The following REV1 variants were observed in gnomAD, a reference collection of about 807,000 sequenced individuals.
REV1 encodes the protein translesion synthesis protein REV1.
Under a neutral mutation model 137.4 loss-of-function variants are expected in REV1, and 42 were observed. The observed-to-expected ratio is 0.31, with a 90% CI of 0.24 to 0.40. REV1 has a LOEUF of 0.40. REV1 is among the 10% of genes least tolerant of loss of function. The probability of loss-of-function intolerance (pLI) is 1.00; values close to 1 mark genes in which losing one functional copy is unlikely to be tolerated. For synonymous variants in REV1, 524 were observed against 519.2 expected (o/e 1.01, Z -0.12); for missense variants, 1,282 against 1,490.1 (o/e 0.86, Z 2.30).
chr2:99,478,428 G>T (rs539212064), intron 1 of REV1, among the ~76,000 whole-genome samples: 1 of 152,166 alleles, frequency 6.6e-6, no homozygotes, highest in East Asian at 1.9e-4. Flanking sequence ...CCATAAGCAG[G>T]ATCAAGCTAC....
At chr2:99,451,671 G>C (rs912736528) in intron 3 of REV1, among the ~76,000 whole-genome samples, 1 of 152,028 alleles carries the variant, frequency 6.6e-6, no homozygotes, top group Non-Finnish European at 1.5e-5. Flanking sequence ...CTGGCATGTA[G>C]AGGTCACTCA....
chr2:99,430,732 G>C (rs1057033184), intron 8 of REV1, among the ~76,000 whole-genome samples: 1 of 152,098 alleles, frequency 6.6e-6, no homozygotes, highest in African/African-American at 2.4e-5. Context: ...GAGCCTACTG[G>C]CTGCATGCCA....
intron 3 of REV1, 129 bp from the exon 4 acceptor site, chr2:99,449,633 T>C: frequency 2.3e-6 from 1 of 436,180 alleles, no homozygotes; most frequent in Non-Finnish European, 3.8e-6. Context: ...GTGTTGCCAG[T>C]AAACAAAGCT....
chr2:99,416,551 C>G (rs1017122877), intron 12 of REV1, among the ~76,000 whole-genome samples: 1 of 152,160 alleles, frequency 6.6e-6, no homozygotes, highest in Non-Finnish European at 1.5e-5. Context: ...ACTCTGCTGC[C>G]CTATCTTTCA....
intron 3 of REV1, among the ~76,000 whole-genome samples, chr2:99,450,269 G>A (rs1682770457): frequency 6.6e-6 from 1 of 152,062 alleles, no homozygotes. Context: ...GACACAATGT[G>A]ACTTATGCTT....
rs1676223318 is a variant in REV1, at chr2:99,405,929, T to C, written c.2792A>G (p.Glu931Gly). The change falls in exon 17 of 23, where the codon GAG becomes GGG. Residue 931 changes from glutamate to glycine, a missense_variant. Around this residue, in one of 7 missense-constraint regions of REV1, gnomAD observed 135 missense variants for 123.3 expected, o/e 1.10. Transcript: ENST00000258428. ...ATGTACCTGGGAAGGTGACGGGACCTCTATACTCAGGTTAAGTCTCGACTG... is the reference window on the plus strand; with the variant it reads ...ATGTACCTGGGAAGGTGACGGGACCCCTATACTCAGGTTAAGTCTCGACTG... ...SVQSRLNLSI[E>G]VPSPSQLDQS... The C allele has an allele frequency of 6.3e-7, 1 of 1,590,120 alleles. No individual in the cohort carries two copies. Among genetic ancestry groups the C allele is most frequent in the South Asian group, 1.2e-5 (1 of 85,918 alleles).
chr2:99,444,473 G>A (rs1186413613), intron 4 of REV1, among the ~76,000 whole-genome samples: 4 of 152,196 alleles, frequency 2.6e-5, no homozygotes, highest in African/African-American at 9.7e-5. Context: ...ATATACAAGG[G>A]TGTCAGGCCT....
At chr2:99,482,790 C>T (rs989591631) in intron 1 of REV1, among the ~76,000 whole-genome samples, 4 of 151,874 alleles carry the variant, frequency 2.6e-5, no homozygotes, top group East Asian at 1.9e-4. Context: ...CCGAGGCAGG[C>T]GGGATCACCT....
Position 99,402,719 on chromosome 2 carries a change from C to T in REV1, c.3466G>A (p.Ala1156Thr). 6.2e-7 allele frequency: 1 copy of T among 1,614,158 alleles called. No homozygotes were observed. The highest frequency in any genetic ancestry group is 1.1e-5 in the South Asian group (1 of 91,070). ...SDPAGCVRPP[A>T]PNLAGAVEFN... ...TCAACAGCTCCAGCTAGATTGGGTG[C>T]TGGAGGTCTCACACAGCCAGCTGGG... Residue 1156 changes from alanine (A) to threonine (T), a missense_variant, in exon 21 of 23, where the codon GCA becomes ACA. Physicochemically the swap from Ala to Thr is moderately conservative, Grantham distance 58. This residue lies in a region of REV1 where 170 missense variants were observed against 156.8 expected (regional missense o/e 1.08). Transcript: ENST00000258428.
rs777987124 is a variant in REV1 at position 99,412,821 on chromosome 2, G to A, written c.2082C>T (p.Phe694=). 1 of 1,614,138 alleles carries A rather than the reference G, an allele frequency of 6.2e-7. No individual in the cohort carries two copies. The highest frequency in any genetic ancestry group is 1.1e-5 in the South Asian group (1 of 91,072). The change falls in exon 13 of 23, where the codon TTC becomes TTT. Residue 694 remains phenylalanine, a synonymous_variant. Transcript: ENST00000258428. ...CTGGTCTATCATCCAAGCCACGGCA[G>A]AACCTATAAAGCATCTGACCTGTTT... ...GPKTGQMLYR[F]CRGLDDRPVR...
chr2:99,419,078 A>T (rs1678283887), intron 11 of REV1, 131 bp from the exon 12 acceptor site: 2 of 796,168 alleles, frequency 2.5e-6, no homozygotes, highest in East Asian at 5.3e-5. Flanking sequence ...ATTTCAAATA[A>T]GGTGTAGAAT....
intron 8 of REV1, among the ~76,000 whole-genome samples, chr2:99,430,626 G>A (rs1001721509): frequency 2.0e-5 from 3 of 152,162 alleles, no homozygotes; most frequent in African/African-American, 7.2e-5. Flanking sequence ...ATGCTTTAGA[G>A]AACACAACTG....
intron 4 of REV1, 92 bp downstream of exon 4, chr2:99,449,244 G>A (rs920148295): frequency 3.6e-5 from 26 of 727,940 alleles, no homozygotes; most frequent in Non-Finnish European, 4.5e-5. Flanking sequence ...TAGCCTGGGC[G>A]ACAAAGCGAG....
intron 1 of REV1, among the ~76,000 whole-genome samples, chr2:99,488,939 A>ACTT (rs1174299921): frequency 1.3e-5 from 2 of 152,226 alleles, no homozygotes; most frequent in Non-Finnish European, 2.9e-5. Context: ...AACCATTTCT[A>ACTT]CTTAGTACAT....
At chr2:99,431,732 C>T in intron 8 of REV1, 1 of 985,442 alleles carries the variant, frequency 1.0e-6, no homozygotes. Flanking sequence ...CTCCATTGGG[C>T]TGGCTGACCT....
chr2:99,424,454 T>G (rs1309348158), intron 9 of REV1, 174 bp from the exon 10 acceptor site: 1 of 678,312 alleles, frequency 1.5e-6, no homozygotes, highest in East Asian at 3.0e-5. Context: ...CCCCCAAAAG[T>G]CACAACTGTC....
At chr2:99,415,698 G>A (rs1201271418) in intron 12 of REV1, among the ~76,000 whole-genome samples, 1 of 152,224 alleles carries the variant, frequency 6.6e-6, no homozygotes, top group East Asian at 1.9e-4. Flanking sequence ...TGGCTACGTA[G>A]CTACTGTATT....
intron 8 of REV1, among the ~76,000 whole-genome samples, chr2:99,432,178 G>A (rs1680206313): frequency 1.3e-5 from 2 of 152,102 alleles, no homozygotes; most frequent in African/African-American, 4.8e-5. Flanking sequence ...TCCAAAAGAA[G>A]TCATGGATGG....
intron 6 of REV1, among the ~76,000 whole-genome samples, chr2:99,436,319 G>A (rs1356256341): frequency 6.6e-6 from 1 of 152,156 alleles, no homozygotes; most frequent in African/African-American, 2.4e-5. Flanking sequence ...TCCAGTGCTT[G>A]GTAGGTGTCA....
Sources: allele counts gnomAD v4.1 joint callset (sites outside exome capture counted in the v4.1 genomes callset), GRCh38; gene constraint gnomAD v4.1.1; regional missense constraint gnomAD v4.1.1; transcripts MANE v1.5; gene names NCBI Gene and HGNC (gene_info 2026-07-23, HGNC 2026-07-21).